Variants in GPC6 observed in about 807,000 individuals in gnomAD.
The protein encoded by GPC6 is glypican-6.
In GPC6, 14 loss-of-function variants were observed where a neutral mutation model predicts 55.2. The observed-to-expected ratio is 0.25, with a 90% CI of 0.17 to 0.40. GPC6 has a LOEUF of 0.40. Ranked by LOEUF, GPC6 falls within the 10% of genes least tolerant of loss-of-function variation. The pLI is 1.00. For missense variants in GPC6, 641 were observed against 708.5 expected, an observed-to-expected ratio of 0.90 and a Z score of 1.08; for synonymous variants, 278 against 259.6, an observed-to-expected ratio of 1.07 and a Z score of -0.68.
chr13:93,470,195 G>A (rs1360945093), intron 1 of GPC6, among the ~76,000 whole-genome samples: 2 of 151,960 alleles, frequency 1.3e-5, no homozygotes, highest in Admixed American at 6.6e-5. Flanking sequence ...GAAGTGGCTA[G>A]GATTACTCAG....
At chr13:93,308,070 G>C (rs943455733) in intron 1 of GPC6, among the ~76,000 whole-genome samples, 1 of 152,148 alleles carries the variant, frequency 6.6e-6, no homozygotes. Flanking sequence ...GGATCACGAA[G>C]TCAGGAGATC....
chr13:93,910,631 T>C (rs1482428429), intron 3 of GPC6, among the ~76,000 whole-genome samples: 4 of 152,046 alleles, frequency 2.6e-5, no homozygotes, highest in Non-Finnish European at 5.9e-5. Context: ...TAATTCAGTG[T>C]GGTGTTCCAA....
At chr13:93,810,306 T>C (rs1426550399) in intron 2 of GPC6, among the ~76,000 whole-genome samples, 3 of 152,232 alleles carry the variant, frequency 2.0e-5, no homozygotes, top group Non-Finnish European at 2.9e-5. Flanking sequence ...CTATCACTTT[T>C]CTAAATGAAA....
intron 3 of GPC6, among the ~76,000 whole-genome samples, chr13:93,878,698 C>G (rs769996982): frequency 5.9e-5 from 9 of 152,038 alleles, no homozygotes; most frequent in Admixed American, 3.9e-4. Context: ...ACTCTTGTGC[C>G]ATGTGAAGAC....
chr13:93,386,882 C>A (rs1875427787), intron 1 of GPC6, among the ~76,000 whole-genome samples: 1 of 152,122 alleles, frequency 6.6e-6, no homozygotes, highest in African/African-American at 2.4e-5. Context: ...TGTTTCAATC[C>A]AATCTCTGCC....
intron 7 of GPC6, among the ~76,000 whole-genome samples, chr13:94,387,730 T>TTCTCTCTCTCTCTCTCTCTC (rs3044333): frequency 3.7e-4 from 52 of 141,256 alleles, no homozygotes; most frequent in Non-Finnish European, 5.9e-4. Context: ...AGACATGAGT[T>TTCTCTCTCTCTCTCTCTCTC]TCTCTCTCTC....
chr13:93,547,426 T>A (rs568529726), intron 2 of GPC6, among the ~76,000 whole-genome samples: 1 of 152,300 alleles, frequency 6.6e-6, no homozygotes, highest in Non-Finnish European at 1.5e-5. Context: ...TCAATAACTT[T>A]TAATATCTTT....
intron 3 of GPC6, among the ~76,000 whole-genome samples, chr13:94,011,985 A>G (rs1003202521): frequency 1.3e-5 from 2 of 152,216 alleles, no homozygotes; most frequent in African/African-American, 4.8e-5. Context: ...AGAGGGAAGA[A>G]GAACATTTTT....
intron 4 of GPC6, among the ~76,000 whole-genome samples, chr13:94,129,312 C>G (rs1378157889): frequency 6.6e-6 from 1 of 152,070 alleles, no homozygotes; most frequent in African/African-American, 2.4e-5. Flanking sequence ...CTTTCCTCTA[C>G]TCGCCTCTCT....
chr13:93,871,952 G>C (rs1264848778), intron 3 of GPC6, among the ~76,000 whole-genome samples: 1 of 151,716 alleles, frequency 6.6e-6, no homozygotes, highest in Admixed American at 6.6e-5. Flanking sequence ...GATTAATGTA[G>C]TTTCTATTTT....
intron 2 of GPC6, among the ~76,000 whole-genome samples, chr13:93,625,833 T>A (rs1295279315): frequency 2.0e-5 from 3 of 152,200 alleles, no homozygotes; most frequent in African/African-American, 7.2e-5. Context: ...ACTTTGACTT[T>A]CTTCACTTAG....
chr13:93,631,707 G>A (rs757519473), intron 2 of GPC6, among the ~76,000 whole-genome samples: 47 of 152,260 alleles, frequency 3.1e-4, no homozygotes, highest in Non-Finnish European at 6.0e-4. Flanking sequence ...GACATGTCAT[G>A]CCTTGCCTGT....
chr13:94,099,012 A>G (rs1885758047), intron 4 of GPC6, among the ~76,000 whole-genome samples: 1 of 152,154 alleles, frequency 6.6e-6, no homozygotes, highest in Admixed American at 6.5e-5. Context: ...CTGCAGTAAC[A>G]TATATTTATC....
At position 93,745,786 on chromosome 13, in the gene GPC6, A is replaced by T. The variant is rs141914201; in HGVS notation, c.320-84368A>T. The stretch of plus-strand genomic sequence containing the variant: ...CCCATCCTACGATGTCTATGTGCCC[A>T]TCTGTATCATCTGCTTCTGATGATA... On this transcript the variant is annotated intron_variant, in intron 2 of 8. Coordinates refer to ENST00000377047, the MANE Select transcript of GPC6 (RefSeq NM_005708.5). Among the ~76,000 whole-genome samples the T allele has an allele frequency of 5.0e-4, 76 of 152,296 alleles. 1 individual carries two copies. The highest frequency in any genetic ancestry group is 6.8e-3 in the Middle Eastern group (2 of 294).
intron 4 of GPC6, among the ~76,000 whole-genome samples, chr13:94,035,805 G>A (rs915640617): frequency 2.0e-5 from 3 of 151,624 alleles, no homozygotes; most frequent in Non-Finnish European, 4.4e-5. Flanking sequence ...TGTGTGTGTG[G>A]ATATATATAT....
Position 94,405,209 on chromosome 13 carries a change from G to A in GPC6, c.*1992G>A, listed in dbSNP as rs1209698290. 1 of 152,178 alleles carries A rather than the reference G, an allele frequency of 6.6e-6. No individual in the cohort carries two copies. Among genetic ancestry groups the A allele is most frequent in the Admixed American group, 6.5e-5 (1 of 15,274 alleles). The allele number at this position is 152,178 out of a possible 1,614,324, so 9.4% of individuals were successfully genotyped here. On this transcript the variant is annotated 3_prime_UTR_variant, in exon 9 of 9. Coordinates refer to ENST00000377047, the MANE Select transcript of GPC6 (RefSeq NM_005708.5). ...AATGAAATATAAAATGTAGGATGAT[G>A]AGAGACTTTGTGGCATTCTTTCATT...
intron 1 of GPC6, among the ~76,000 whole-genome samples, chr13:93,324,262 A>T (rs1452862784): frequency 6.6e-6 from 1 of 151,864 alleles, no homozygotes. Context: ...GAACTCATGG[A>T]GATAGAGAAT....
intron 2 of GPC6, among the ~76,000 whole-genome samples, chr13:93,756,804 G>A (rs752209979): frequency 1.3e-5 from 2 of 152,052 alleles, no homozygotes; most frequent in Non-Finnish European, 2.9e-5. Context: ...TGATAAGCTG[G>A]CAATTTTGTT....
chr13:93,774,228 G>A (rs1240457618), intron 2 of GPC6, among the ~76,000 whole-genome samples: 1 of 152,130 alleles, frequency 6.6e-6, no homozygotes, highest in Non-Finnish European at 1.5e-5. Context: ...CAGGAGAGTA[G>A]AACTGGAACA....
Sources: allele counts gnomAD v4.1 joint callset (sites outside exome capture counted in the v4.1 genomes callset), GRCh38; gene constraint gnomAD v4.1.1; transcripts MANE v1.5; gene names NCBI Gene and HGNC (gene_info 2026-07-23, HGNC 2026-07-21).